The following TSHZ2 variants were observed in gnomAD, a reference collection of about 807,000 sequenced individuals.
TSHZ2 encodes the protein teashirt homolog 2.
In TSHZ2, 21 loss-of-function variants were observed where a neutral mutation model predicts 74.4. The ratio of observed to expected loss-of-function variants is 0.28; its 90% CI spans 0.20 to 0.41. The LOEUF is 0.41. Ranked by LOEUF, TSHZ2 falls within the 10% of genes least tolerant of loss-of-function variation. The pLI is 1.00. For missense variants in TSHZ2, 1,244 were observed against 1,293.5 expected (o/e 0.96, Z 0.59); for synonymous variants, 540 against 515.3 (o/e 1.05, Z -0.65).
intron 1 of TSHZ2, among the ~76,000 whole-genome samples, chr20:53,224,849 C>CAAA (rs1157712413): frequency 4.4e-5 from 5 of 112,892 alleles, no homozygotes; most frequent in Admixed American, 1.0e-4. Context: ...GACTCCATCT[C>CAAA]AAAAAAAAAA....
intron 1 of TSHZ2, among the ~76,000 whole-genome samples, chr20:53,036,712 T>C (rs1386038743): frequency 2.7e-5 from 4 of 147,884 alleles, no homozygotes; most frequent in African/African-American, 9.8e-5. Flanking sequence ...TATATGTATG[T>C]ATATTATATA....
chr20:53,408,210 G>A (rs1009708998), intron 2 of TSHZ2, among the ~76,000 whole-genome samples: 7 of 152,084 alleles, frequency 4.6e-5, no homozygotes, highest in East Asian at 1.9e-4. Flanking sequence ...ATCCCTTTCC[G>A]TTCTCCAAGT....
chr20:53,433,337 A>C (rs908296184), intron 2 of TSHZ2, among the ~76,000 whole-genome samples: 1 of 152,164 alleles, frequency 6.6e-6, no homozygotes, highest in Non-Finnish European at 1.5e-5. Context: ...ACTGCATTCC[A>C]AACTTGGGGA....
At chr20:53,080,310 G>T (rs913263460) in intron 1 of TSHZ2, among the ~76,000 whole-genome samples, 16 of 152,122 alleles carry the variant, frequency 1.1e-4, no homozygotes, top group Non-Finnish European at 2.9e-5. Context: ...TTTTCAACTT[G>T]GTCTTAAGGA....
At chr20:53,282,428 T>C (rs1991080688) in intron 2 of TSHZ2, among the ~76,000 whole-genome samples, 1 of 152,238 alleles carries the variant, frequency 6.6e-6, no homozygotes, top group Admixed American at 6.5e-5. Context: ...ACCTGCTGTG[T>C]GCATTGTGTC....
intron 2 of TSHZ2, among the ~76,000 whole-genome samples, chr20:53,318,965 G>C (rs1306506199): frequency 6.6e-6 from 1 of 152,188 alleles, no homozygotes; most frequent in East Asian, 1.9e-4. Context: ...AGGCAAGAGA[G>C]AGTGTGCAGG....
At position 52,987,457 on chromosome 20, in the gene TSHZ2, CCTCTCTCTCTCTCTTTCTCTCTCCTCT is replaced by C. The variant is rs1251131354; in HGVS notation, c.40+14135_40+14161del. 2.0e-5 allele frequency among the ~76,000 whole-genome samples: 3 copies of C among 149,304 alleles called. No homozygotes were observed. The Admixed American group carries it at 2.1e-4, about 10-fold the overall frequency. On this transcript the variant is annotated intron_variant, in intron 1 of 2. Transcript: ENST00000371497. ...CCCTTTTTTTATACTCTTTCTCTCT[CCTCTCTCTCTCTCTTTCTCTCTCCTCT>C]CTCTCTCTCTTTCCCTCTCTCTTTC...
At chr20:53,384,856 C>T (rs1981986007) in intron 2 of TSHZ2, among the ~76,000 whole-genome samples, 1 of 152,248 alleles carries the variant, frequency 6.6e-6, no homozygotes, top group African/African-American at 2.4e-5. Flanking sequence ...GACGCGGTGG[C>T]TCACGCCTGT....
intron 1 of TSHZ2, chr20:53,168,783 T>G (rs1988121467): frequency 6.6e-6 from 1 of 152,276 alleles, no homozygotes; most frequent in African/African-American, 2.4e-5. Flanking sequence ...TGTGAATGAG[T>G]TCTGTAACTG....
At chr20:53,227,413 T>C (rs926363964) in intron 1 of TSHZ2, among the ~76,000 whole-genome samples, 4 of 152,090 alleles carry the variant, frequency 2.6e-5, no homozygotes, top group Non-Finnish European at 5.9e-5. Context: ...ATTTTATGTT[T>C]CTTTTCATAA....
At chr20:53,479,980 A>C (rs547343761) in intron 2 of TSHZ2, among the ~76,000 whole-genome samples, 1 of 152,186 alleles carries the variant, frequency 6.6e-6, no homozygotes, top group Non-Finnish European at 1.5e-5. Context: ...GCTCACACCT[A>C]TAATCCCAAT....
chr20:53,251,317 C>T (rs16997806), intron 1 of TSHZ2, among the ~76,000 whole-genome samples: 11,472 of 152,272 alleles, frequency 0.075, 821 homozygotes, highest in East Asian at 0.31. Flanking sequence ...ATGTATGTTA[C>T]TTGGCTCAGT....
At chr20:53,478,344 G>A (rs1273087575) in intron 2 of TSHZ2, among the ~76,000 whole-genome samples, 2 of 151,924 alleles carry the variant, frequency 1.3e-5, no homozygotes, top group African/African-American at 4.8e-5. Flanking sequence ...GAAAATGGAT[G>A]AGTTCATGTC....
intron 2 of TSHZ2, among the ~76,000 whole-genome samples, chr20:53,449,058 C>T (rs1984668763): frequency 6.6e-6 from 1 of 152,200 alleles, no homozygotes; most frequent in East Asian, 1.9e-4. Flanking sequence ...CTCCTCCAGT[C>T]ATGTCCCTCC....
chr20:53,248,319 T>C (rs763844798), intron 1 of TSHZ2, among the ~76,000 whole-genome samples: 13 of 152,038 alleles, frequency 8.6e-5, no homozygotes, highest in Non-Finnish European at 1.9e-4. Flanking sequence ...GTAATCCTCA[T>C]GCCTCAGTTT....
intron 2 of TSHZ2, among the ~76,000 whole-genome samples, chr20:53,462,829 G>A (rs1286987713): frequency 7.2e-5 from 11 of 152,052 alleles, no homozygotes; most frequent in African/African-American, 1.7e-4. Context: ...TAAGGGGCAG[G>A]GGTGATGGGA....
At chr20:53,097,339 A>G (rs1434751712) in intron 1 of TSHZ2, among the ~76,000 whole-genome samples, 1 of 152,192 alleles carries the variant, frequency 6.6e-6, no homozygotes, top group African/African-American at 2.4e-5. Context: ...CAACCTGCTT[A>G]AGAAAATGTT....
At chr20:53,463,425 A>AGGAAGGAAGGAAGGAAGGAGGGAGGGAG (rs1985453069) in intron 2 of TSHZ2, among the ~76,000 whole-genome samples, 1 of 117,888 alleles carries the variant, frequency 8.5e-6, no homozygotes, top group Non-Finnish European at 1.7e-5. Flanking sequence ...GAAGGAAGGA[A>AGGAAGGAAGGAAGGAAGGAGGGAGGGAG]GGAAGGAAGG....
chr20:53,367,355 G>A lies in TSHZ2; in HGVS notation c.*8+110784G>A, dbSNP rs1250314759. On this transcript the variant is annotated intron_variant, in intron 2 of 2. Transcript: ENST00000371497. The stretch of plus-strand genomic sequence containing the variant: ...GGAGGCGGAGGCTGCAGTGAGCCGA[G>A]ATCAGGCCACTGCACTCCAGCCTGG... Among the ~76,000 whole-genome samples the A allele has an allele frequency of 2.0e-5, 3 of 151,916 alleles. No homozygotes were observed. In the East Asian group the frequency reaches 5.9e-4, roughly 30 times the overall value.
Sources: allele counts gnomAD v4.1 joint callset (sites outside exome capture counted in the v4.1 genomes callset), GRCh38; gene constraint gnomAD v4.1.1; transcripts MANE v1.5; gene names NCBI Gene and HGNC (gene_info 2026-07-23, HGNC 2026-07-21).